CCDC88C: variants seen among roughly 807,000 people sequenced by gnomAD.
CCDC88C encodes protein Daple.
A neutral mutation model predicts 198.8 loss-of-function variants in CCDC88C; 131 were observed. That is an observed-to-expected ratio of 0.66 (90% CI 0.57 to 0.76). CCDC88C has a LOEUF of 0.76. Ranked by LOEUF, CCDC88C falls within the 30% of genes least tolerant of loss-of-function variation. The pLI is 0.00. For synonymous variants in CCDC88C, 1,166 were observed against 1,114.7 expected (o/e 1.05, Z -0.92); for missense variants, 2,553 against 2,631.6 (o/e 0.97, Z 0.65).
At chr14:91,290,836 G>C (rs763963478) in intron 24 of CCDC88C, among the ~76,000 whole-genome samples, 159 bp downstream of exon 24, 3 of 152,240 alleles carry the variant, frequency 2.0e-5, no homozygotes, top group Non-Finnish European at 2.9e-5. Context: ...CTAGAGTACA[G>C]AGGCAGGCTG....
At chr14:91,309,199 C>T (rs1464156076) in intron 16 of CCDC88C, among the ~76,000 whole-genome samples, 3 of 152,216 alleles carry the variant, frequency 2.0e-5, no homozygotes, top group Admixed American at 1.3e-4. Context: ...CACCACTGCA[C>T]TCCTGCCTGG....
intron 15 of CCDC88C, among the ~76,000 whole-genome samples, chr14:91,311,739 C>T (rs1156669652): frequency 6.6e-6 from 1 of 152,204 alleles, no homozygotes; most frequent in East Asian, 1.9e-4. Context: ...CCCAGGTGGC[C>T]CACACAACAC....
At chr14:91,351,411 G>A (rs1317650429) in intron 4 of CCDC88C, among the ~76,000 whole-genome samples, 1 of 152,210 alleles carries the variant, frequency 6.6e-6, no homozygotes, top group East Asian at 1.9e-4. Flanking sequence ...TGAGGGCTCA[G>A]CTTACAACGA....
At chr14:91,388,777 A>G (rs1223239106) in intron 3 of CCDC88C, among the ~76,000 whole-genome samples, 1 of 152,158 alleles carries the variant, frequency 6.6e-6, no homozygotes, top group African/African-American at 2.4e-5. Flanking sequence ...GCAGCGAGGG[A>G]TGTGAACTTC....
rs554196040 is a variant in CCDC88C, at chr14:91,308,290, G to A, written c.3006+61C>T. On this transcript the variant is annotated intron_variant, in intron 17 of 29. Coordinates refer to ENST00000389857, the MANE Select transcript of CCDC88C (RefSeq NM_001080414.4). ...CACCCCACTGCTATACAGGTGAGGGGCTGGAAAGGGTGAGGCTGAGAATGG... is the reference window on the plus strand; with the variant it reads ...CACCCCACTGCTATACAGGTGAGGGACTGGAAAGGGTGAGGCTGAGAATGG... 2.8e-5 allele frequency: 45 copies of A among 1,595,168 alleles called. No individual in the cohort carries two copies. In the Middle Eastern group the frequency reaches 5.0e-4, roughly 18 times the overall value.
At chr14:91,375,894 G>A (rs1160093714) in intron 3 of CCDC88C, among the ~76,000 whole-genome samples, 1 of 152,232 alleles carries the variant, frequency 6.6e-6, no homozygotes, top group Non-Finnish European at 1.5e-5. Flanking sequence ...CCGTAACTGT[G>A]CCCATTTTAC....
intron 3 of CCDC88C, among the ~76,000 whole-genome samples, chr14:91,392,418 G>A (rs2139981249): frequency 6.6e-6 from 1 of 152,190 alleles, no homozygotes; most frequent in South Asian, 2.1e-4. Flanking sequence ...CCTTAATTAG[G>A]GCTAGAGGAG....
Position 91,325,020 on chromosome 14 carries a change from G to A in CCDC88C, c.1198-97C>T. On this transcript the variant is annotated intron_variant, in intron 11 of 29. Coordinates refer to ENST00000389857, the MANE Select transcript of CCDC88C (RefSeq NM_001080414.4). The surrounding 1 kb of genome is among the most constrained non-coding windows in gnomAD (Gnocchi z 4.1). ...TGTATAGCTACCGTCATGTGCTGTG[G>A]ATGAAGATGTACTGGCTCACTTCCA... 2 of 1,453,996 alleles carry A rather than the reference G, an allele frequency of 1.4e-6. No individual in the cohort carries two copies. The highest frequency in any genetic ancestry group is 3.5e-5 in the Admixed American group (2 of 56,452). 90.1% of individuals were successfully genotyped at this position (1,453,996 alleles called of 1,614,324 possible). A position where few individuals can be genotyped will look rare whatever the true frequency, so the allele number is the denominator to read the frequency against.
chr14:91,383,113 A>G (rs1308952341), intron 3 of CCDC88C, among the ~76,000 whole-genome samples: 51 of 152,196 alleles, frequency 3.4e-4, no homozygotes, highest in Admixed American at 3.3e-3. Context: ...GCCTTCCTGC[A>G]TCACTGCAGC....
chr14:91,370,738 C>A (rs1016726816), intron 3 of CCDC88C, among the ~76,000 whole-genome samples: 2 of 152,020 alleles, frequency 1.3e-5, no homozygotes, highest in African/African-American at 4.8e-5. Flanking sequence ...GAGGGGAAGG[C>A]GGGTCAGTAG....
In CCDC88C at chr14:91,340,058, G is replaced by A. The variant is rs201489685; in HGVS notation, c.484-34C>T. ...ACACATGGCAGGGCACTGCAGGGGCGGCAGAGACGGGCGCCCACTTCCCTC... is the reference window on the plus strand; with the variant it reads ...ACACATGGCAGGGCACTGCAGGGGCAGCAGAGACGGGCGCCCACTTCCCTC... On this transcript the variant is annotated intron_variant, in intron 6 of 29. Coordinates refer to ENST00000389857, the MANE Select transcript of CCDC88C (RefSeq NM_001080414.4). The A allele has an allele frequency of 1.1e-3, 1,705 of 1,601,086 alleles. 2 individuals are homozygous for A. Among genetic ancestry groups the A allele is most frequent in the Middle Eastern group, 5.3e-3 (32 of 6,040 alleles).
chr14:91,396,054 G>A (rs983200317), intron 3 of CCDC88C, among the ~76,000 whole-genome samples: 1 of 152,098 alleles, frequency 6.6e-6, no homozygotes, highest in Non-Finnish European at 1.5e-5. Flanking sequence ...AAAATAAGAC[G>A]ACAATTATAT....
Position 91,305,758 on chromosome 14 carries a change from C to T in CCDC88C, c.3357+7G>A, listed in dbSNP as rs748249330. ...TTGTGACCACTGGTGTTGGGAGCCC[C>T]GCTCACCTGCAGCTTGGCGGTCTGG... On this transcript the variant is annotated splice_region_variant and intron_variant, in intron 19 of 29. Coordinates refer to ENST00000389857, the MANE Select transcript of CCDC88C (RefSeq NM_001080414.4). The T allele has an allele frequency of 7.5e-6, 12 of 1,596,310 alleles. No homozygotes were observed. The highest frequency in any genetic ancestry group is 5.0e-5 in the Admixed American group (3 of 59,712).
rs1893844728 is a variant in CCDC88C at position 91,352,209 on chromosome 14, G to A, written c.340+7433C>T. Among the ~76,000 whole-genome samples, 1 of 152,252 alleles carries A rather than the reference G, an allele frequency of 6.6e-6. No homozygotes were observed. The highest frequency in any genetic ancestry group is 1.5e-5 in the Non-Finnish European group (1 of 68,044). On this transcript the variant is annotated intron_variant, in intron 4 of 29. Coordinates refer to ENST00000389857, the MANE Select transcript of CCDC88C (RefSeq NM_001080414.4). The surrounding 1 kb of genome is among the most constrained non-coding windows in gnomAD (Gnocchi z 4.2). ...TGCTGGAAGCCATGGTGTGGCTGTT[G>A]CAGCCAGCGGCGTTCTCTGTGTGCC...
Position 91,403,429 on chromosome 14 carries a change from AG to A in CCDC88C, c.270+5229del, listed in dbSNP as rs545731900. 7.9e-5 allele frequency among the ~76,000 whole-genome samples: 12 copies of A among 152,324 alleles called. No individual in the cohort carries two copies. The East Asian group carries it at 1.9e-3, about 25-fold the overall frequency. On this transcript the variant is annotated intron_variant, in intron 3 of 29. Coordinates refer to ENST00000389857, the MANE Select transcript of CCDC88C (RefSeq NM_001080414.4). ...CTTTCCAGACAAGGCGCCGGACTGA[AG>A]GTGTCCAGGGCAGGGAATGGGGATG...
At chr14:91,336,881 G>A (rs143446860) in intron 10 of CCDC88C, among the ~76,000 whole-genome samples, 2 of 152,344 alleles carry the variant, frequency 1.3e-5, no homozygotes, top group African/African-American at 4.8e-5. Flanking sequence ...GCCTTCCCCG[G>A]CAAGCCCGAC....
chr14:91,392,933 T>C (rs1273789038), intron 3 of CCDC88C, among the ~76,000 whole-genome samples: 1 of 152,068 alleles, frequency 6.6e-6, no homozygotes, highest in Non-Finnish European at 1.5e-5. Context: ...ATAATGATGT[T>C]AAATTCCAGA....
chr14:91,271,767 G>C lies in CCDC88C; in HGVS notation c.*858C>G, dbSNP rs539910489. The C allele has an allele frequency of 6.5e-6, 1 of 152,696 alleles. No homozygotes were observed. The highest frequency in any genetic ancestry group is 2.1e-4 in the South Asian group (1 of 4,824). 9.5% of individuals were successfully genotyped at this position (152,696 alleles called of 1,614,324 possible). ...CCGGGGATGTCGGGTGCCGCAGCCA[G>C]GTTACACATCGAGCTTGCACCTCGC... On this transcript the variant is annotated 3_prime_UTR_variant, in exon 30 of 30. Coordinates refer to ENST00000389857, the MANE Select transcript of CCDC88C (RefSeq NM_001080414.4).
chr14:91,391,738 C>G (rs1409557271), intron 3 of CCDC88C, among the ~76,000 whole-genome samples: 2 of 152,084 alleles, frequency 1.3e-5, no homozygotes, highest in Non-Finnish European at 2.9e-5. Flanking sequence ...GAGATCATGC[C>G]ACTGTACTCC....
Sources: gnomAD v4.1 joint callset for allele counts (sites outside exome capture counted in the v4.1 genomes callset) on GRCh38, gnomAD v4.1.1 for gene constraint, Gnocchi (gnomAD v3.1) non-coding constraint, MANE v1.5 for transcripts, NCBI Gene and HGNC (gene_info 2026-07-23, HGNC 2026-07-21) for gene names.